Variants in C5orf58 observed in about 807,000 individuals in gnomAD.
C5orf58 encodes chromosome 5 open reading frame 58.
In C5orf58, 2 loss-of-function variants were observed where a neutral mutation model predicts 2.9. The ratio of observed to expected loss-of-function variants is 0.69; its 90% CI spans 0.28 to 2.18. The LOEUF (loss-of-function observed/expected upper bound fraction) is 2.18, where lower values mean the gene tolerates loss of function less well. Among genes scored for constraint, C5orf58 ranks in the 30% most tolerant of loss-of-function variants. The pLI, the probability that C5orf58 is intolerant of heterozygous loss-of-function variation, is 0.13. For synonymous variants in C5orf58, 37 were observed against 33.4 expected, an observed-to-expected ratio of 1.11 and a Z score of -0.37; for missense variants, 96 against 91.7, an observed-to-expected ratio of 1.05 and a Z score of -0.19.
At chr5:170,245,159 A>T (rs1462159203) in intron 3 of C5orf58, among the ~76,000 whole-genome samples, 5 of 152,162 alleles carry the variant, frequency 3.3e-5, no homozygotes, top group Non-Finnish European at 7.4e-5. Flanking sequence ...TGCTGGGAGA[A>T]CCACTGCTCT....
rs1360895289 is a variant in C5orf58 at position 170,233,007 on chromosome 5, G to A, written c.-85G>A. 1.0e-6 allele frequency: 1 copy of A among 983,904 alleles called. No homozygotes were observed. Among genetic ancestry groups the A allele is most frequent in the Non-Finnish European group, 1.2e-6 (1 of 828,500 alleles). 60.9% of individuals were successfully genotyped at this position (983,904 alleles called of 1,614,324 possible). A position where few individuals can be genotyped will look rare whatever the true frequency, so the allele number is the denominator to read the frequency against. On this transcript the variant is annotated splice_region_variant and 5_prime_UTR_variant, in exon 1 of 4. Coordinates refer to ENST00000593851, the MANE Select transcript of C5orf58 (RefSeq NM_001102609.3). Reference sequence around the variant, plus strand: ...TCAGAACCTCGGTGACGGTTGGCCAGGTGGGTAGTGACGGCTGCTCGGTCT... The same window carrying A: ...TCAGAACCTCGGTGACGGTTGGCCAAGTGGGTAGTGACGGCTGCTCGGTCT...
At chr5:170,243,807 T>A (rs982672112) in intron 3 of C5orf58, among the ~76,000 whole-genome samples, 1 of 150,250 alleles carries the variant, frequency 6.7e-6, no homozygotes, top group Non-Finnish European at 1.5e-5. Flanking sequence ...ATGTGTGAAT[T>A]TGATCCTGTC....
chr5:170,238,343 A>G (rs1403884183), intron 3 of C5orf58, among the ~76,000 whole-genome samples: 1 of 152,172 alleles, frequency 6.6e-6, no homozygotes, highest in African/African-American at 2.4e-5. Context: ...TAAAAATGTG[A>G]CCATAGACAT....
rs1227308845 is a variant in C5orf58, at chr5:170,246,009, C to A, written c.142C>A (p.Pro48Thr). The change falls in exon 4 of 4, where the codon CCC (proline) becomes ACC (threonine). Residue 48 changes from proline to threonine, a missense_variant. Transcript: ENST00000593851. ...LCDLILHFNH[P>T]IKTENLAEAE... ...TGACCTTATCCTACATTTTAATCATCCCATCAAGACTGAGAACTTAGCAGA... is the reference window on the plus strand; with the variant it reads ...TGACCTTATCCTACATTTTAATCATACCATCAAGACTGAGAACTTAGCAGA... The A allele has an allele frequency of 1.2e-6, 2 of 1,613,626 alleles. No homozygotes were observed. Among genetic ancestry groups the A allele is most frequent in the Non-Finnish European group, 1.7e-6 (2 of 1,179,658 alleles).
At chr5:170,234,014 T>C in intron 1 of C5orf58, 101 bp from the exon 2 acceptor site, 1 of 530,732 alleles carries the variant, frequency 1.9e-6, no homozygotes, top group South Asian at 1.7e-5. Flanking sequence ...AACTTGACTC[T>C]TGGTTTGGCA....
At chr5:170,244,168 C>T (rs1340002264) in intron 3 of C5orf58, among the ~76,000 whole-genome samples, 1 of 149,250 alleles carries the variant, frequency 6.7e-6, no homozygotes, top group Admixed American at 6.7e-5. Context: ...TGATGGGCTT[C>T]CCTTTGAGGG....
At chr5:170,248,628 AC>A (rs1435797165), downstream of C5orf58, 24 of 1,583,894 alleles carry the variant, frequency 1.5e-5, no homozygotes, top group Non-Finnish European at 2.0e-5. Flanking sequence ...TTGTCCATTG[AC>A]CAAGGCTGAT....
chr5:170,248,875 C>G (rs200285093), downstream of C5orf58: 114 of 1,580,452 alleles, frequency 7.2e-5, no homozygotes, highest in African/African-American at 1.4e-3. Flanking sequence ...GCAGGAACTT[C>G]ACTTTCAGTT....
intron 3 of C5orf58, among the ~76,000 whole-genome samples, chr5:170,238,252 G>A (rs138529941): frequency 3.3e-5 from 5 of 152,098 alleles, no homozygotes; most frequent in Admixed American, 2.0e-4. Flanking sequence ...TATTCAGAGA[G>A]AAGAGAAGAT....
chr5:170,251,821 A>G (rs1320940886), exon 3 of C5orf58: 6 of 327,980 alleles, frequency 1.8e-5, no homozygotes, highest in South Asian at 4.6e-5. Flanking sequence ...GGATTTTTCA[A>G]AAGTTCTCCG....
At chr5:170,243,907 C>T (rs1273839612) in intron 3 of C5orf58, among the ~76,000 whole-genome samples, 5 of 144,006 alleles carry the variant, frequency 3.5e-5, no homozygotes, top group African/African-American at 1.0e-4. Context: ...GATTTTGCAG[C>T]GGCTGGTACC....
chr5:170,246,149 A>T lies in C5orf58; in HGVS notation c.*36A>T. ...GTTATGAGTTTCTGTTTTATTGTTG[A>T]ACTAACAAATATTTGGGAGAGTTGA... On this transcript the variant is annotated 3_prime_UTR_variant, in exon 4 of 4. Coordinates refer to ENST00000593851, the MANE Select transcript of C5orf58 (RefSeq NM_001102609.3). 6.5e-7 allele frequency: 1 copy of T among 1,550,276 alleles called. No individual in the cohort carries two copies. The highest frequency in any genetic ancestry group is 1.4e-5 in the African/African-American group (1 of 72,912).
chr5:170,238,581 T>G (rs1447636151), intron 3 of C5orf58, among the ~76,000 whole-genome samples: 1 of 152,200 alleles, frequency 6.6e-6, no homozygotes, highest in Non-Finnish European at 1.5e-5. Context: ...AGGGCATTTG[T>G]TTCTACAATG....
At chr5:170,236,249 A>G (rs1465920420) in intron 3 of C5orf58, among the ~76,000 whole-genome samples, 1 of 151,998 alleles carries the variant, frequency 6.6e-6, no homozygotes, top group African/African-American at 2.4e-5. Context: ...GTTAGGCACC[A>G]AATAATGAGT....
At chr5:170,249,883 T>A (rs11958627), downstream of C5orf58, among the ~76,000 whole-genome samples, 1,546 of 152,346 alleles carry the variant, frequency 0.01, 35 homozygotes, top group African/African-American at 0.036. Flanking sequence ...TCTGCACTTG[T>A]GTGTTTCCAC....
At chr5:170,252,193 G>A (rs1761460024) in exon 3 of C5orf58, 1 of 339,728 alleles carries the variant, frequency 2.9e-6, no homozygotes, top group Non-Finnish European at 5.5e-6. Context: ...AATCTCCTAA[G>A]ATGCTGCCAA....
At chr5:170,243,673 T>C (rs1409125232) in intron 3 of C5orf58, among the ~76,000 whole-genome samples, 2 of 149,490 alleles carry the variant, frequency 1.3e-5, no homozygotes, top group East Asian at 3.9e-4. Flanking sequence ...TATGTGTGTC[T>C]CTGCACGTGA....
At chr5:170,250,322 G>A (rs1048542391), downstream of C5orf58, among the ~76,000 whole-genome samples, 3 of 152,174 alleles carry the variant, frequency 2.0e-5, no homozygotes, top group Non-Finnish European at 4.4e-5. Context: ...AATGAGCCAA[G>A]TATTTGAATA....
downstream of C5orf58, chr5:170,251,028 A>C: frequency 1.6e-6 from 1 of 616,784 alleles, no homozygotes; most frequent in African/African-American, 1.8e-5. Flanking sequence ...CCTGTCATTC[A>C]ACGAACATTC....
Sources: gnomAD v4.1 joint callset for allele counts (sites outside exome capture counted in the v4.1 genomes callset) on GRCh38, gnomAD v4.1.1 for gene constraint, MANE v1.5 for transcripts, NCBI Gene and HGNC (gene_info 2026-07-23, HGNC 2026-07-21) for gene names.